The following DDX10 variants were observed in gnomAD, a reference collection of about 807,000 sequenced individuals.
The protein encoded by DDX10 is probable ATP-dependent RNA helicase DDX10.
DDX10 carries 74 observed loss-of-function variants against 104.3 expected under a neutral mutation model. The ratio of observed to expected loss-of-function variants is 0.71; its 90% confidence interval spans 0.59 to 0.86. The LOEUF (loss-of-function observed/expected upper bound fraction) is 0.86, where lower values mean the gene tolerates loss of function less well. Among genes scored for constraint, DDX10 ranks in the 40% least tolerant of loss-of-function variants. DDX10 has a pLI of 0.00. For missense variants in DDX10, 952 were observed against 1,040.0 expected (o/e 0.92, Z 1.16); for synonymous variants, 351 against 353.4 (o/e 0.99, Z 0.08).
intron 13 of DDX10, chr11:108,822,277 CAT>C (rs1428149222): frequency 1.7e-5 from 4 of 237,270 alleles, no homozygotes; most frequent in African/African-American, 2.3e-5. Context: ...TTATGGTACA[CAT>C]AAAAAAGTCA....
At chr11:108,670,204 A>G (rs571280744) in intron 1 of DDX10, among the ~76,000 whole-genome samples, 2 of 152,254 alleles carry the variant, frequency 1.3e-5, no homozygotes, top group Admixed American at 6.5e-5. Context: ...ACTGGAGACT[A>G]TTGGTAGAGT....
At chr11:108,909,545 A>G (rs929913102) in intron 16 of DDX10, among the ~76,000 whole-genome samples, 6 of 151,764 alleles carry the variant, frequency 4.0e-5, no homozygotes, top group Non-Finnish European at 7.4e-5. Flanking sequence ...AGGCCTCCAT[A>G]ATAAATGGGC....
chr11:108,806,327 C>A (rs542507755), intron 13 of DDX10, among the ~76,000 whole-genome samples: 7 of 152,158 alleles, frequency 4.6e-5, no homozygotes, highest in Admixed American at 1.3e-4. Flanking sequence ...TTAACAGATA[C>A]GTCTTTTCCC....
At chr11:108,665,423 C>T (rs1279956990) in intron 1 of DDX10, 84 bp downstream of exon 1, 4 of 1,423,148 alleles carry the variant, frequency 2.8e-6, no homozygotes, top group Non-Finnish European at 3.7e-6. Flanking sequence ...AGAGTGGAGG[C>T]GGCGGATCTG....
intron 13 of DDX10, among the ~76,000 whole-genome samples, chr11:108,795,913 T>G (rs2514010): frequency 0.13 from 19,134 of 152,164 alleles, 1,593 homozygotes; most frequent in East Asian, 0.27. Context: ...TTGAGGAATC[T>G]CCACACTGTC....
chr11:108,665,252 AAAG>A lies in DDX10; in HGVS notation c.103_105del (p.Lys35del), dbSNP rs761557629. On this transcript the variant is annotated inframe_deletion, in exon 1 of 18. Coordinates refer to ENST00000322536, the MANE Select transcript of DDX10 (RefSeq NM_004398.4). ...AAAAACACAGCCATAGGCAGAACAA[AAAG>A]AAGCAGTTGAGGAAGCAACTGAAGA... 7.5e-5 allele frequency: 121 copies of A among 1,612,200 alleles called. No individual in the cohort carries two copies. Among genetic ancestry groups the A allele is most frequent in the Non-Finnish European group, 9.8e-5 (115 of 1,179,330 alleles).
chr11:108,936,352 C>G (rs1329433987), intron 17 of DDX10, among the ~76,000 whole-genome samples: 1 of 152,066 alleles, frequency 6.6e-6, no homozygotes, highest in East Asian at 1.9e-4. Flanking sequence ...ATTTTTATAG[C>G]AGTAGTAGGG....
intron 15 of DDX10, among the ~76,000 whole-genome samples, chr11:108,849,618 G>A (rs1160972206): frequency 1.3e-5 from 2 of 151,948 alleles, no homozygotes; most frequent in Non-Finnish European, 2.9e-5. Flanking sequence ...TTTCATTATT[G>A]AATTTCGTGC....
chr11:108,887,089 T>G (rs1863305519), intron 16 of DDX10, among the ~76,000 whole-genome samples: 1 of 152,190 alleles, frequency 6.6e-6, no homozygotes, highest in African/African-American at 2.4e-5. Context: ...ACTCCTTATT[T>G]CCATGTTGTA....
intron 16 of DDX10, among the ~76,000 whole-genome samples, chr11:108,897,687 CT>C (rs547208695): frequency 1.1e-3 from 159 of 144,390 alleles, no homozygotes; most frequent in East Asian, 1.4e-3. Context: ...CTGATTTCTG[CT>C]TTTTTTTTTT....
intron 6 of DDX10, among the ~76,000 whole-genome samples, chr11:108,680,970 G>A (rs1019833037): frequency 6.6e-6 from 1 of 152,136 alleles, no homozygotes; most frequent in Non-Finnish European, 1.5e-5. Flanking sequence ...GCTTACTTTC[G>A]AGTGGACATT....
At chr11:108,808,208 G>T (rs1264499763) in intron 13 of DDX10, among the ~76,000 whole-genome samples, 1 of 151,906 alleles carries the variant, frequency 6.6e-6, no homozygotes, top group Non-Finnish European at 1.5e-5. Flanking sequence ...AATTTGCGGA[G>T]TTTTTTTTAC....
chr11:108,932,583 A>G (rs949363394), intron 17 of DDX10, among the ~76,000 whole-genome samples: 2 of 152,178 alleles, frequency 1.3e-5, no homozygotes, highest in Admixed American at 6.5e-5. Flanking sequence ...CTAAGAACCC[A>G]GTGTGTAGTT....
At chr11:108,733,757 C>CG (rs1159266075) in intron 13 of DDX10, among the ~76,000 whole-genome samples, 2 of 152,028 alleles carry the variant, frequency 1.3e-5, no homozygotes, top group Admixed American at 6.6e-5. Context: ...ATTCTTGGCT[C>CG]GGGGGGATAA....
chr11:108,839,576 T>C (rs1265840962), intron 14 of DDX10, among the ~76,000 whole-genome samples: 1 of 152,218 alleles, frequency 6.6e-6, no homozygotes, highest in African/African-American at 2.4e-5. Context: ...TAGCACATCA[T>C]ATATTTCATC....
intron 13 of DDX10, among the ~76,000 whole-genome samples, chr11:108,797,906 CA>C (rs970564272): frequency 2.6e-5 from 4 of 152,332 alleles, no homozygotes; most frequent in African/African-American, 9.6e-5. Flanking sequence ...CTTGTTCAGC[CA>C]TTCCTCAGTA....
chr11:108,895,973 T>C (rs1863434625), intron 16 of DDX10, among the ~76,000 whole-genome samples: 1 of 152,124 alleles, frequency 6.6e-6, no homozygotes, highest in Non-Finnish European at 1.5e-5. Context: ...TTTGTGGCAA[T>C]TCACTATTTA....
intron 11 of DDX10, 43 bp downstream of exon 11, chr11:108,716,009 C>A: frequency 9.4e-7 from 1 of 1,059,314 alleles, no homozygotes; most frequent in Non-Finnish European, 1.4e-6. Flanking sequence ...ACTGGAAAAA[C>A]AGTAAAGTTT....
chr11:108,836,094 C>T (rs765856220), intron 13 of DDX10, among the ~76,000 whole-genome samples: 7 of 152,154 alleles, frequency 4.6e-5, no homozygotes, highest in Non-Finnish European at 7.3e-5. Flanking sequence ...TTTCCTGCCT[C>T]CAGACCCTAT....
Sources: gnomAD v4.1 joint callset for allele counts (sites outside exome capture counted in the v4.1 genomes callset) on GRCh38, gnomAD v4.1.1 for gene constraint, MANE v1.5 for transcripts, NCBI Gene and HGNC (gene_info 2026-07-23, HGNC 2026-07-21) for gene names.